SCARA3: variants seen among roughly 807,000 people sequenced by gnomAD.
SCARA3 encodes cellular stress response gene protein.
SCARA3 carries 39 observed loss-of-function variants against 47.0 expected under a neutral mutation model. The ratio of observed to expected loss-of-function variants is 0.83; its 90% CI spans 0.64 to 1.08. The LOEUF (loss-of-function observed/expected upper bound fraction) is 1.08. SCARA3 is among the 50% of genes least tolerant of loss of function. The pLI is 0.00. For synonymous variants in SCARA3, 356 were observed against 334.1 expected (o/e 1.07, Z -0.71); for missense variants, 724 against 792.3 (o/e 0.91, Z 1.04).
downstream of SCARA3, among the ~76,000 whole-genome samples, chr8:27,674,293 C>T (rs1028200042): frequency 1.3e-5 from 2 of 152,140 alleles, no homozygotes; most frequent in African/African-American, 4.8e-5. Context: ...TGAAACCCAC[C>T]TCAGAGTGGG....
At chr8:27,638,314 T>TGGTGTG (rs1554535995) in intron 1 of SCARA3, among the ~76,000 whole-genome samples, 9 of 146,620 alleles carry the variant, frequency 6.1e-5, no homozygotes, top group Admixed American at 6.1e-4. Flanking sequence ...AATTTAGTGA[T>TGGTGTG]TGTGTGTGTG....
At chr8:27,660,587 C>T (rs1449490624) in intron 5 of SCARA3, among the ~76,000 whole-genome samples, 2 of 138,716 alleles carry the variant, frequency 1.4e-5, no homozygotes, top group Non-Finnish European at 3.1e-5. Flanking sequence ...ATAGATAGAT[C>T]CAGAGAAGCA....
the SCARA3 span, among the ~76,000 whole-genome samples, chr8:27,690,095 A>G: frequency 2.0e-5 from 3 of 152,184 alleles, no homozygotes; most frequent in Non-Finnish European, 4.4e-5. Flanking sequence ...TCACTGTGTT[A>G]CTTTGGAATT....
downstream of SCARA3, chr8:27,676,630 C>G: frequency 7.8e-7 from 1 of 1,279,316 alleles, no homozygotes; most frequent in Non-Finnish European, 1.1e-6. Flanking sequence ...CCCAGGATGA[C>G]CAAGAATATA....
At chr8:27,697,200 G>A in the SCARA3 span, 1 of 215,776 alleles carries the variant, frequency 4.6e-6, no homozygotes, top group South Asian at 8.5e-5. Context: ...GCAAAGGGAA[G>A]ATGGTGGATG....
chr8:27,671,984 T>C lies in SCARA3; in HGVS notation c.*633T>C. 1.0e-6 allele frequency: 1 copy of C among 985,370 alleles called. No individual in the cohort carries two copies. The highest frequency in any genetic ancestry group is 1.2e-6 in the Non-Finnish European group (1 of 829,932). The allele number at this position is 985,370 out of a possible 1,614,324, so 61.0% of individuals were successfully genotyped here. On this transcript the variant is annotated 3_prime_UTR_variant, in exon 6 of 6. Transcript: ENST00000301904. ...CACATCTGTCTCTGGGCACCCATGCTGGCCAGCAGTTTCCCAGGGCTCCCT... is the reference window on the plus strand; with the variant it reads ...CACATCTGTCTCTGGGCACCCATGCCGGCCAGCAGTTTCCCAGGGCTCCCT...
intron 1 of SCARA3, among the ~76,000 whole-genome samples, chr8:27,640,851 C>T (rs1426007343): frequency 6.6e-6 from 1 of 152,158 alleles, no homozygotes; most frequent in Non-Finnish European, 1.5e-5. Context: ...TGCATGCCAC[C>T]ATGCCCAGCT....
chr8:27,634,292 A>C, intron 1 of SCARA3, 85 bp downstream of exon 1: 2 of 1,215,046 alleles, frequency 1.6e-6, no homozygotes, highest in Non-Finnish European at 2.1e-6. Context: ...CCTTTTCTGC[A>C]GGCGAGGCTG....
At chr8:27,655,959 ATCCGC>A (rs2128919873) in intron 3 of SCARA3, among the ~76,000 whole-genome samples, 1 of 152,302 alleles carries the variant, frequency 6.6e-6, no homozygotes, top group African/African-American at 2.4e-5. Flanking sequence ...GTCCCCGTTT[ATCCGC>A]AGTTTCAGTT....
chr8:27,730,081 C>T, the SCARA3 span, among the ~76,000 whole-genome samples: 4 of 152,294 alleles, frequency 2.6e-5, no homozygotes, highest in Admixed American at 6.5e-5. Flanking sequence ...CCCCCTCGCA[C>T]CTGCAGACAC....
At chr8:27,666,735 A>G (rs1465199443) in intron 5 of SCARA3, among the ~76,000 whole-genome samples, 28 of 152,054 alleles carry the variant, frequency 1.8e-4, no homozygotes, top group Admixed American at 1.8e-3. Context: ...AAGATGTACC[A>G]TGGGCTCCTC....
At chr8:27,711,489 T>A in the SCARA3 span, among the ~76,000 whole-genome samples, 1 of 152,220 alleles carries the variant, frequency 6.6e-6, no homozygotes, top group African/African-American at 2.4e-5. Context: ...TCTGGAATGA[T>A]AACATCTTCT....
At position 27,672,114 on chromosome 8, in the gene SCARA3, G is replaced by T; in HGVS notation, c.*763G>T. The T allele has an allele frequency of 1.0e-6, 1 of 985,450 alleles. No individual in the cohort carries two copies. The highest frequency in any genetic ancestry group is 1.2e-6 in the Non-Finnish European group (1 of 829,960). The allele number at this position is 985,450 out of a possible 1,614,324, so 61.0% of individuals were successfully genotyped here. On this transcript the variant is annotated 3_prime_UTR_variant, in exon 6 of 6. Transcript: ENST00000301904. ...CACAAGACCCTCCCCATAAGCAGGGGACCAGCATACCCGGGAGCTGTCCCT... is the reference window on the plus strand; with the variant it reads ...CACAAGACCCTCCCCATAAGCAGGGTACCAGCATACCCGGGAGCTGTCCCT...
At chr8:27,653,007 AG>A (rs1257387854) in intron 3 of SCARA3, among the ~76,000 whole-genome samples, 1 of 152,198 alleles carries the variant, frequency 6.6e-6, no homozygotes, top group African/African-American at 2.4e-5. Flanking sequence ...TCAATTCACA[AG>A]GTTTGGCATT....
the SCARA3 span, among the ~76,000 whole-genome samples, chr8:27,721,914 G>A: frequency 9.9e-5 from 15 of 152,062 alleles, no homozygotes; most frequent in East Asian, 1.9e-3. Flanking sequence ...AGATGCCGTC[G>A]CTACAAAAAA....
the SCARA3 span, among the ~76,000 whole-genome samples, chr8:27,721,165 T>TA: frequency 6.6e-6 from 1 of 152,090 alleles, no homozygotes; most frequent in African/African-American, 2.4e-5. Context: ...CCAAGCTTCT[T>TA]ACTTTTTTAG....
Position 27,649,801 on chromosome 8 carries a change from G to A in SCARA3, c.106+1G>A, listed in dbSNP as rs753047209. 1.2e-6 allele frequency: 2 copies of A among 1,612,474 alleles called. No homozygotes were observed. The highest frequency in any genetic ancestry group is 1.7e-5 in the Admixed American group (1 of 59,966). ...CCGACCTTCCCATGCACCCAGAAGG[G>A]TAAGGACTCTGGGGCTGCCCCTGAT... On this transcript the variant is annotated splice_donor_variant, in intron 2 of 5. Transcript: ENST00000301904. LOFTEE classifies it high-confidence loss of function.
At chr8:27,660,830 A>ATAGCTAGCTAGC (rs141475748) in intron 5 of SCARA3, among the ~76,000 whole-genome samples, 53 of 131,144 alleles carry the variant, frequency 4.0e-4, no homozygotes, top group African/African-American at 1.4e-3. Context: ...TAGATAGAAG[A>ATAGCTAGCTAGC]TAGCTAGCTA....
At chr8:27,707,146 C>G in the SCARA3 span, among the ~76,000 whole-genome samples, 1 of 152,128 alleles carries the variant, frequency 6.6e-6, no homozygotes, top group Non-Finnish European at 1.5e-5. Flanking sequence ...CCAGCCCCTT[C>G]CTTTTGTCCT....
Sources: gnomAD v4.1 joint callset for allele counts (sites outside exome capture counted in the v4.1 genomes callset) on GRCh38, gnomAD v4.1.1 for gene constraint, MANE v1.5 for transcripts, NCBI Gene and HGNC (gene_info 2026-07-23, HGNC 2026-07-21) for gene names.